Variants in RAD51B observed in about 807,000 individuals in gnomAD.
RAD51B encodes the protein DNA repair protein RAD51 homolog 2.
In RAD51B, 38 loss-of-function variants were observed where a neutral mutation model predicts 42.2. The ratio of observed to expected loss-of-function variants is 0.90; its 90% CI spans 0.70 to 1.18. The LOEUF (loss-of-function observed/expected upper bound fraction) is 1.18. Among genes scored for constraint, RAD51B ranks in the 50% most tolerant of loss-of-function variants. The probability of loss-of-function intolerance (pLI) is 0.00; values close to 1 mark genes in which losing one functional copy is unlikely to be tolerated. For missense variants in RAD51B, 373 were observed against 400.7 expected (o/e 0.93, Z 0.59); for synonymous variants, 154 against 145.2 (o/e 1.06, Z -0.43).
intron 7 of RAD51B, among the ~76,000 whole-genome samples, chr14:68,280,840 C>G (rs1313566338): frequency 6.6e-6 from 1 of 151,972 alleles, no homozygotes; most frequent in African/African-American, 2.4e-5. Flanking sequence ...GATCACTTGA[C>G]CCTTGGAGTT....
rs961241407 is a variant in RAD51B, at chr14:68,500,648, A to G, written c.1036+32398A>G. On this transcript the variant is annotated intron_variant, in intron 10 of 10. Transcript: ENST00000487270. ...CCTGCTAACAGCAGATGGATGTCAA[A>G]ACATTTGCATTCAGGGGGAGATAAA... Among the ~76,000 whole-genome samples the G allele has an allele frequency of 3.3e-5, 5 of 152,250 alleles. No homozygotes were observed. The East Asian group carries it at 9.6e-4, about 29-fold the overall frequency.
At chr14:68,090,791 G>T (rs1278887784) in intron 7 of RAD51B, among the ~76,000 whole-genome samples, 1 of 151,412 alleles carries the variant, frequency 6.6e-6, no homozygotes, top group Non-Finnish European at 1.5e-5. Context: ...ATGTTGGTGT[G>T]CTGCAACCAT....
chr14:68,462,944 C>T (rs570298585), intron 9 of RAD51B, among the ~76,000 whole-genome samples: 1 of 152,314 alleles, frequency 6.6e-6, no homozygotes, highest in Non-Finnish European at 1.5e-5. Context: ...CCTCAGACTT[C>T]CAAAGCCAAC....
chr14:68,141,229 TGATAA>T (rs1489944856), intron 7 of RAD51B, among the ~76,000 whole-genome samples: 2 of 152,246 alleles, frequency 1.3e-5, no homozygotes, highest in African/African-American at 4.8e-5. Context: ...ATGTTATTTA[TGATAA>T]GATGTTATGA....
intron 7 of RAD51B, among the ~76,000 whole-genome samples, chr14:67,999,567 C>T (rs2075443262): frequency 6.6e-6 from 1 of 152,206 alleles, no homozygotes; most frequent in Non-Finnish European, 1.5e-5. Context: ...GGTTAAATCC[C>T]AACTCCATGA....
At chr14:68,381,750 A>G (rs2083482917) in intron 8 of RAD51B, among the ~76,000 whole-genome samples, 1 of 152,204 alleles carries the variant, frequency 6.6e-6, no homozygotes, top group Admixed American at 6.5e-5. Flanking sequence ...TCTTCCTATT[A>G]GTCAATAACA....
At chr14:68,091,523 T>C (rs1344026442) in intron 7 of RAD51B, among the ~76,000 whole-genome samples, 2 of 152,236 alleles carry the variant, frequency 1.3e-5, no homozygotes, top group Non-Finnish European at 2.9e-5. Flanking sequence ...TCTGTTCATA[T>C]CCTTCACCCA....
At chr14:68,222,848 G>C (rs575287588) in intron 7 of RAD51B, among the ~76,000 whole-genome samples, 1 of 152,190 alleles carries the variant, frequency 6.6e-6, no homozygotes, top group South Asian at 2.1e-4. Flanking sequence ...ATCTCTTACA[G>C]AATTTTAGAT....
At chr14:68,000,695 A>G (rs905898418) in intron 7 of RAD51B, among the ~76,000 whole-genome samples, 1 of 152,114 alleles carries the variant, frequency 6.6e-6, no homozygotes, top group African/African-American at 2.4e-5. Flanking sequence ...TTCTGAAGCT[A>G]TGGAATGTTT....
At chr14:68,637,439 A>G (rs141853038) in intron 10 of RAD51B, among the ~76,000 whole-genome samples, 1 of 152,186 alleles carries the variant, frequency 6.6e-6, no homozygotes, top group African/African-American at 2.4e-5. Context: ...CATCCTGGGC[A>G]GGCCTGAAAG....
intron 7 of RAD51B, among the ~76,000 whole-genome samples, chr14:68,075,633 T>C (rs775750591): frequency 6.6e-6 from 1 of 151,960 alleles, no homozygotes; most frequent in African/African-American, 2.4e-5. Context: ...GCAGTGGCAG[T>C]GACAGAGGGG....
In RAD51B at chr14:68,346,876, C is replaced by T. The variant is rs373705047; in HGVS notation, c.853+54896C>T. Among the ~76,000 whole-genome samples, 70 of 152,230 alleles carry T rather than the reference C, an allele frequency of 4.6e-4. 3 individuals carry two copies. Among genetic ancestry groups the T allele is most frequent in the African/African-American group, 1.7e-3 (70 of 41,542 alleles). On this transcript the variant is annotated intron_variant, in intron 8 of 10. Transcript: ENST00000471583. The stretch of plus-strand genomic sequence containing the variant: ...AATTTCTCAGAGTACTTCTTATGGT[C>T]TAGGATAGTTTACATTTTTGGGTCC...
rs369526817 is a variant in RAD51B, at chr14:68,384,717, T to A, written c.854-26707T>A. The stretch of plus-strand genomic sequence containing the variant: ...CCGAGTTGCAAGTTATGCCCCTTTT[T>A]AGCGTTTCCATACCCAGCTGTCTAC... On this transcript the variant is annotated intron_variant, in intron 8 of 10. Coordinates refer to ENST00000471583, the MANE Select transcript of RAD51B (RefSeq NM_133510.4). 2.6e-5 allele frequency among the ~76,000 whole-genome samples: 4 copies of A among 152,228 alleles called. No homozygotes were observed. The South Asian group carries it at 8.3e-4, about 32-fold the overall frequency.
intron 4 of RAD51B, among the ~76,000 whole-genome samples, chr14:67,848,922 C>T (rs2139936401): frequency 6.6e-6 from 1 of 152,346 alleles, no homozygotes; most frequent in Admixed American, 6.5e-5. Flanking sequence ...CCACTCTCTT[C>T]TGGCTTGCAG....
In RAD51B at chr14:67,936,343, A is replaced by G. The variant is rs1030955651; in HGVS notation, c.756+49139A>G. Among the ~76,000 whole-genome samples the G allele has an allele frequency of 8.1e-4, 124 of 152,296 alleles. 1 individual carries two copies. The highest frequency in any genetic ancestry group is 2.9e-3 in the African/African-American group (122 of 41,564). ...GGACATTTCATGAAAGTGGAGTCAT[A>G]TAATGTGTGTTCTTTTGTGACTGGC... is the stretch of plus-strand genomic sequence containing the variant. On this transcript the variant is annotated intron_variant, in intron 7 of 10. Coordinates refer to ENST00000471583, the MANE Select transcript of RAD51B (RefSeq NM_133510.4).
At chr14:68,033,959 TTTGA>T (rs1023493703) in intron 7 of RAD51B, among the ~76,000 whole-genome samples, 20 of 152,182 alleles carry the variant, frequency 1.3e-4, no homozygotes, top group African/African-American at 4.8e-4. Flanking sequence ...ATCACAGTCA[TTTGA>T]TTGTTGTTCC....
At chr14:67,862,079 C>T (rs1423566946) in intron 4 of RAD51B, among the ~76,000 whole-genome samples, 6 of 151,744 alleles carry the variant, frequency 4.0e-5, no homozygotes, top group African/African-American at 1.5e-4. Context: ...AGCATGGTAA[C>T]TATAGTTAGT....
chr14:68,611,795 G>A (rs995292818), downstream of RAD51B, among the ~76,000 whole-genome samples: 3 of 152,154 alleles, frequency 2.0e-5, no homozygotes, highest in Non-Finnish European at 4.4e-5. Flanking sequence ...ATTAGGCCTG[G>A]GACATGACAG....
In RAD51B at chr14:68,477,978, G is replaced by C. The variant is rs1345561235; in HGVS notation, c.*314G>C. ...CCTTTCAACCAGGCACCTCAAAGCG[G>C]TTTAACCACATTAATTAATTAAAGC... is the stretch of plus-strand genomic sequence containing the variant. On this transcript the variant is annotated 3_prime_UTR_variant, in exon 11 of 11. Transcript: ENST00000471583. The C allele has an allele frequency of 7.9e-6, 9 of 1,140,264 alleles. No individual in the cohort carries two copies. The highest frequency in any genetic ancestry group is 1.6e-5 in the African/African-American group (1 of 62,726). 70.6% of individuals were successfully genotyped at this position (1,140,264 alleles called of 1,614,324 possible). A position where few individuals can be genotyped will look rare whatever the true frequency, so the allele number is the denominator to read the frequency against.
Sources: gnomAD v4.1 joint callset for allele counts (sites outside exome capture counted in the v4.1 genomes callset) on GRCh38, gnomAD v4.1.1 for gene constraint, MANE v1.5 for transcripts, NCBI Gene and HGNC (gene_info 2026-07-23, HGNC 2026-07-21) for gene names.